The following PTPRG variants were observed in gnomAD, a reference collection of about 807,000 sequenced individuals.
The protein encoded by PTPRG is protein tyrosine phosphatase receptor type G.
PTPRG carries 102 observed loss-of-function variants against 165.3 expected under a neutral mutation model. That is an observed-to-expected ratio of 0.62 (90% CI 0.53 to 0.73). The LOEUF (loss-of-function observed/expected upper bound fraction) is 0.73, where lower values mean the gene tolerates loss of function less well. Ranked by LOEUF, PTPRG falls within the 30% of genes least tolerant of loss-of-function variation. PTPRG has a pLI of 0.00. For synonymous variants in PTPRG, 675 were observed against 669.5 expected (o/e 1.01, Z -0.13); for missense variants, 1,866 against 1,861.4 (o/e 1.00, Z -0.05).
intron 4 of PTPRG, among the ~76,000 whole-genome samples, chr3:62,010,017 A>C (rs1247245593): frequency 6.6e-6 from 1 of 152,184 alleles, no homozygotes; most frequent in Non-Finnish European, 1.5e-5. Context: ...TCCTGGGCTC[A>C]ACCGGTTCTC....
intron 4 of PTPRG, among the ~76,000 whole-genome samples, chr3:62,031,682 T>C (rs1699774092): frequency 6.6e-6 from 1 of 152,118 alleles, no homozygotes; most frequent in African/African-American, 2.4e-5. Context: ...TAAGTGATGG[T>C]GGTTACTAAT....
chr3:62,271,639 C>A lies in PTPRG; in HGVS notation c.3182+84C>A. On this transcript the variant is annotated intron_variant, in intron 21 of 29. Coordinates refer to ENST00000474889, the MANE Select transcript of PTPRG (RefSeq NM_002841.4). This position sits in a 1 kb window ranked among gnomAD's most constrained non-coding sequence, Gnocchi z 4.1. ...CCTTGGACCACAATGATTGCTACTGCTTTCACTTAGAAGCTGAATCTTCCA... is the reference window on the plus strand; with the variant it reads ...CCTTGGACCACAATGATTGCTACTGATTTCACTTAGAAGCTGAATCTTCCA... The A allele has an allele frequency of 7.8e-7, 1 of 1,279,724 alleles. No homozygotes were observed. The highest frequency in any genetic ancestry group is 1.1e-6 in the Non-Finnish European group (1 of 930,878). 79.3% of individuals were successfully genotyped at this position (1,279,724 alleles called of 1,614,324 possible).
chr3:61,961,099 C>G (rs980009587), intron 2 of PTPRG, among the ~76,000 whole-genome samples: 8 of 152,142 alleles, frequency 5.3e-5, no homozygotes, highest in East Asian at 1.9e-4. Context: ...ACTTTGGCAT[C>G]AACATCATTC....
intron 6 of PTPRG, among the ~76,000 whole-genome samples, chr3:62,150,400 A>G (rs1206193235): frequency 6.6e-6 from 1 of 152,242 alleles, no homozygotes; most frequent in African/African-American, 2.4e-5. Flanking sequence ...TCCTGAGACC[A>G]GCAGCATCCA....
chr3:61,742,922 A>G (rs2033052215), intron 1 of PTPRG: 17 of 1,468,452 alleles, frequency 1.2e-5, no homozygotes, highest in South Asian at 3.4e-5. Flanking sequence ...CACACACACA[A>G]CTTAGGGCGG....
chr3:61,844,671 TCCC>T (rs58251581), intron 2 of PTPRG, among the ~76,000 whole-genome samples: 1 of 149,896 alleles, frequency 6.7e-6, no homozygotes. Flanking sequence ...TTTTTTTTTT[TCCC>T]CCTGTTTGGT....
chr3:61,822,325 C>A (rs748682080), intron 2 of PTPRG, among the ~76,000 whole-genome samples: 25 of 152,200 alleles, frequency 1.6e-4, no homozygotes, highest in Non-Finnish European at 3.1e-4. Flanking sequence ...GAAAATAATT[C>A]TGGCCTGTTG....
intron 1 of PTPRG, among the ~76,000 whole-genome samples, chr3:61,717,589 C>T (rs1203085817): frequency 1.3e-5 from 2 of 151,930 alleles, no homozygotes; most frequent in African/African-American, 2.4e-5. Context: ...AGATCGAGAC[C>T]ATCCTGGTCA....
chr3:61,953,155 AACCTGCTTC>A (rs2039938473), intron 2 of PTPRG, among the ~76,000 whole-genome samples: 1 of 152,058 alleles, frequency 6.6e-6, no homozygotes, highest in Non-Finnish European at 1.5e-5. Context: ...CCCTCCTCCC[AACCTGCTTC>A]ACCTGGTTGA....
In PTPRG at chr3:62,190,805, G is replaced by A. The variant is rs550928459; in HGVS notation, c.1034-664G>A. ...CAAAACGTCCATCATGAAGAAAAAG[G>A]CTGTTGACCATGAGGCTGAAGTCAG... is the stretch of plus-strand genomic sequence containing the variant. On this transcript the variant is annotated intron_variant, in intron 8 of 29. Transcript: ENST00000474889. This position sits in a 1 kb window ranked among gnomAD's most constrained non-coding sequence, Gnocchi z 5.2. 3.7e-4 allele frequency among the ~76,000 whole-genome samples: 57 copies of A among 152,334 alleles called. No individual in the cohort carries two copies. Among genetic ancestry groups the A allele is most frequent in the African/African-American group, 1.1e-3 (46 of 41,578 alleles).
At chr3:61,757,952 G>A (rs1236474102) in intron 2 of PTPRG, among the ~76,000 whole-genome samples, 4 of 152,178 alleles carry the variant, frequency 2.6e-5, no homozygotes, top group African/African-American at 9.7e-5. Flanking sequence ...ACAGTGATTT[G>A]CATGTGCTCT....
rs986694437 is a variant in PTPRG, at chr3:62,257,735, G to A, written c.2559+2520G>A. 2.6e-5 allele frequency among the ~76,000 whole-genome samples: 4 copies of A among 152,084 alleles called. No homozygotes were observed. The South Asian group carries it at 6.2e-4, about 24-fold the overall frequency. ...TTTGGGAGAACAAGGTGGGAGGATC[G>A]CTTGAGATCAGGAGTTCCCAACCAG... On this transcript the variant is annotated intron_variant, in intron 16 of 29. Transcript: ENST00000474889.
At chr3:61,918,974 G>A (rs2107556129) in intron 2 of PTPRG, among the ~76,000 whole-genome samples, 1 of 152,282 alleles carries the variant, frequency 6.6e-6, no homozygotes, top group East Asian at 1.9e-4. Flanking sequence ...AGAATTCGGT[G>A]GTTGTGAGGG....
chr3:61,770,092 C>T (rs973327891), intron 2 of PTPRG: 1 of 152,168 alleles, frequency 6.6e-6, no homozygotes, highest in South Asian at 2.1e-4. Flanking sequence ...TTAAGTGTTC[C>T]TTACCAATTG....
intron 21 of PTPRG, among the ~76,000 whole-genome samples, chr3:62,272,583 C>T (rs1224917402): frequency 6.6e-6 from 1 of 152,144 alleles, no homozygotes; most frequent in Admixed American, 6.6e-5. Context: ...GTGGCTCACA[C>T]ATGTAATTCC....
intron 2 of PTPRG, among the ~76,000 whole-genome samples, chr3:61,898,286 C>A (rs1158758987): frequency 6.6e-6 from 1 of 152,130 alleles, no homozygotes; most frequent in East Asian, 1.9e-4. Context: ...AACTCTGGGG[C>A]TCAAGAAATC....
chr3:61,917,604 A>G (rs942366525), intron 2 of PTPRG, among the ~76,000 whole-genome samples: 4 of 152,278 alleles, frequency 2.6e-5, no homozygotes, highest in East Asian at 1.9e-4. Context: ...CCTGCTAACA[A>G]TGGACATTTA....
intron 6 of PTPRG, among the ~76,000 whole-genome samples, chr3:62,142,722 C>T (rs1380115712): frequency 6.6e-6 from 1 of 152,026 alleles, no homozygotes; most frequent in Admixed American, 6.5e-5. Context: ...GGAATTGTAT[C>T]ATTAAGAGGT....
Position 62,191,648 on chromosome 3 carries a change from G to A in PTPRG, c.1213G>A (p.Asp405Asn), listed in dbSNP as rs535321914. ...GACGTTTACAAAGGACAGCGACAAA[G>A]ACTTGGTATGAAGCCCCTCCTCTGA... is the stretch of plus-strand genomic sequence containing the variant. ...EKTFTKDSDK[D>N]LKATISHVSP... is the part of the protein sequence containing the mutation. Residue 405 changes from aspartate to asparagine, a missense_variant, in exon 9 of 30, where the codon GAC (aspartate) becomes AAC (asparagine). Asp to Asn is a conservative substitution (Grantham distance 23, BLOSUM62 1). Coordinates refer to ENST00000474889, the MANE Select transcript of PTPRG (RefSeq NM_002841.4). 8.8e-5 allele frequency: 142 copies of A among 1,613,796 alleles called. No homozygotes were observed. The highest frequency in any genetic ancestry group is 1.2e-4 in the Non-Finnish European group (137 of 1,179,854).
Sources: allele counts gnomAD v4.1 joint callset (sites outside exome capture counted in the v4.1 genomes callset), GRCh38; gene constraint gnomAD v4.1.1; non-coding constraint Gnocchi (gnomAD v3.1); transcripts MANE v1.5; gene names NCBI Gene and HGNC (gene_info 2026-07-23, HGNC 2026-07-21).